Variants in CNTNAP2 observed in about 807,000 individuals in gnomAD.
CNTNAP2 encodes the protein contactin-associated protein-like 2.
Under a neutral mutation model 155.2 loss-of-function variants are expected in CNTNAP2, and 98 were observed. That is an observed-to-expected ratio of 0.63 (90% CI 0.54 to 0.75). The LOEUF is 0.75. CNTNAP2 is among the 30% of genes least tolerant of loss of function. The probability of loss-of-function intolerance (pLI) is 0.00; values close to 1 mark genes in which losing one functional copy is unlikely to be tolerated. For synonymous variants in CNTNAP2, 651 were observed against 631.2 expected, an observed-to-expected ratio of 1.03 and a Z score of -0.47; for missense variants, 1,727 against 1,688.1, an observed-to-expected ratio of 1.02 and a Z score of -0.40.
rs146514774 is a variant in CNTNAP2, at chr7:148,345,328, G to A, written c.3476-38321G>A. Among the ~76,000 whole-genome samples, 606 of 150,928 alleles carry A rather than the reference G, an allele frequency of 4.0e-3. 2 individuals carry two copies. The highest frequency in any genetic ancestry group is 0.013 in the African/African-American group (550 of 41,114). On this transcript the variant is annotated intron_variant, in intron 21 of 23. Coordinates refer to ENST00000361727, the MANE Select transcript of CNTNAP2 (RefSeq NM_014141.6). ...CACAGCATCTGGACGAATACTGAGC[G>A]CTGTCACTAGATTCTATTTTTATTT...
chr7:146,659,407 T>C (rs1336679131), intron 1 of CNTNAP2, among the ~76,000 whole-genome samples: 1 of 152,156 alleles, frequency 6.6e-6, no homozygotes, highest in Non-Finnish European at 1.5e-5. Context: ...GAGATGAAAT[T>C]TAGGTATTTG....
intron 12 of CNTNAP2, among the ~76,000 whole-genome samples, chr7:147,625,517 A>G (rs1169991592): frequency 6.6e-6 from 1 of 152,236 alleles, no homozygotes; most frequent in Non-Finnish European, 1.5e-5. Flanking sequence ...TCATCAAAAT[A>G]GAGTTTATAT....
At chr7:146,354,458 C>T (rs540074079) in intron 1 of CNTNAP2, among the ~76,000 whole-genome samples, 309 of 150,430 alleles carry the variant, frequency 2.1e-3, no homozygotes, top group Non-Finnish European at 3.6e-3. Context: ...TCTGTCGCCC[C>T]GCCTGGAGTG....
chr7:146,157,593 T>A (rs1562970853), intron 1 of CNTNAP2, among the ~76,000 whole-genome samples: 1 of 152,176 alleles, frequency 6.6e-6, no homozygotes, highest in Non-Finnish European at 1.5e-5. Flanking sequence ...TTATATCCCG[T>A]GCATGGCTTG....
chr7:147,887,346 C>G (rs1799619265), intron 13 of CNTNAP2, among the ~76,000 whole-genome samples: 1 of 152,112 alleles, frequency 6.6e-6, no homozygotes, highest in Admixed American at 6.5e-5. Flanking sequence ...TGGCAGGCAC[C>G]TGTTATCCCA....
chr7:147,176,449 G>A (rs1001817888), intron 8 of CNTNAP2, among the ~76,000 whole-genome samples: 1 of 151,580 alleles, frequency 6.6e-6, no homozygotes, highest in Non-Finnish European at 1.5e-5. Flanking sequence ...GCAGATGGAT[G>A]TTCAATGACT....
chr7:147,474,751 CCTGA>C (rs1798285607), intron 10 of CNTNAP2, among the ~76,000 whole-genome samples: 1 of 152,074 alleles, frequency 6.6e-6, no homozygotes, highest in Non-Finnish European at 1.5e-5. Flanking sequence ...AAATGCATAA[CCTGA>C]CCTAAATCTT....
chr7:146,309,333 A>G (rs973655692), intron 1 of CNTNAP2, among the ~76,000 whole-genome samples: 1 of 152,058 alleles, frequency 6.6e-6, no homozygotes, highest in East Asian at 1.9e-4. Context: ...GGTCTCTGTT[A>G]GGGGGTATGA....
At chr7:146,385,072 T>C (rs1795441626) in intron 1 of CNTNAP2, among the ~76,000 whole-genome samples, 1 of 152,298 alleles carries the variant, frequency 6.6e-6, no homozygotes, top group African/African-American at 2.4e-5. Flanking sequence ...CATATACATG[T>C]TAAGCTGAAC....
At chr7:146,155,770 G>T (rs1798116261) in intron 1 of CNTNAP2, among the ~76,000 whole-genome samples, 1 of 151,454 alleles carries the variant, frequency 6.6e-6, no homozygotes, top group Admixed American at 6.6e-5. Context: ...CGGGATCTTG[G>T]CTCACTACAA....
chr7:147,306,880 T>A (rs1188228572), intron 9 of CNTNAP2, among the ~76,000 whole-genome samples: 1 of 152,148 alleles, frequency 6.6e-6, no homozygotes, highest in Admixed American at 6.5e-5. Context: ...ACTTTACTTG[T>A]AGATAGTAAT....
At chr7:148,082,972 C>T (rs73470286) in intron 15 of CNTNAP2, among the ~76,000 whole-genome samples, 2,717 of 152,062 alleles carry the variant, frequency 0.018, 97 homozygotes, top group African/African-American at 0.062. Context: ...CCACTGCACC[C>T]GGCCTGAACT....
At chr7:147,727,439 C>T (rs1035520717) in intron 13 of CNTNAP2, among the ~76,000 whole-genome samples, 15 of 152,140 alleles carry the variant, frequency 9.9e-5, no homozygotes, top group African/African-American at 3.4e-4. Flanking sequence ...AGTTAACTAT[C>T]AGTTGTATAA....
rs1318571100 is a variant in CNTNAP2, at chr7:147,290,677, CA to C, written c.1349-9463del. Among the ~76,000 whole-genome samples, 8 of 110,416 alleles carry C rather than the reference CA, an allele frequency of 7.2e-5. No individual in the cohort carries two copies. The South Asian group carries it at 2.9e-3, about 40-fold the overall frequency. 72.4% of individuals were successfully genotyped at this position (110,416 alleles called of 152,430 possible). ...CAGCCTCAGTGACAGAGTGAGACTC[CA>C]TCTCCAAAAAAAAAAAAAAAAAAAA... On this transcript the variant is annotated intron_variant, in intron 8 of 23. Coordinates refer to ENST00000361727, the MANE Select transcript of CNTNAP2 (RefSeq NM_014141.6).
intron 1 of CNTNAP2, among the ~76,000 whole-genome samples, chr7:146,426,658 A>T (rs1796097600): frequency 6.7e-6 from 1 of 149,926 alleles, no homozygotes; most frequent in African/African-American, 2.4e-5. Flanking sequence ...AGTGAAACTT[A>T]CAAAAAGAAA....
intron 1 of CNTNAP2, among the ~76,000 whole-genome samples, chr7:146,439,889 C>G (rs1054971584): frequency 2.0e-5 from 3 of 151,538 alleles, no homozygotes; most frequent in African/African-American, 7.3e-5. Context: ...TTTGGGAGGC[C>G]TACGCCAGTG....
intron 1 of CNTNAP2, among the ~76,000 whole-genome samples, chr7:146,246,627 C>CAATTGGGCAGT (rs1799661949): frequency 2.6e-5 from 4 of 151,504 alleles, no homozygotes; most frequent in African/African-American, 9.8e-5. Flanking sequence ...GCTTCCGAGG[C>CAATTGGGCAGT]GATCCGACAG....
intron 12 of CNTNAP2, among the ~76,000 whole-genome samples, chr7:147,583,105 C>T (rs10226376): frequency 0.69 from 104,940 of 151,894 alleles, 36,812 homozygotes; most frequent in African/African-American, 0.81. Context: ...AAAGCCTAAG[C>T]GAATGACCCA....
At position 147,126,411 on chromosome 7, in the gene CNTNAP2, G is replaced by A. The variant is rs141650286; in HGVS notation, c.940-2282G>A. Among the ~76,000 whole-genome samples the A allele has an allele frequency of 3.2e-3, 483 of 152,212 alleles. 3 individuals are homozygous for A. Among genetic ancestry groups the A allele is most frequent in the East Asian group, 7.0e-3 (36 of 5,170 alleles). ...AACAATATTTGTTACTATCAGCTTC[G>A]TTAAAGTGTCAGAAAATATTCTGTG... On this transcript the variant is annotated intron_variant, in intron 6 of 23. Coordinates refer to ENST00000361727, the MANE Select transcript of CNTNAP2 (RefSeq NM_014141.6).
Sources: gnomAD v4.1 joint callset for allele counts (sites outside exome capture counted in the v4.1 genomes callset) on GRCh38, gnomAD v4.1.1 for gene constraint, MANE v1.5 for transcripts, NCBI Gene and HGNC (gene_info 2026-07-23, HGNC 2026-07-21) for gene names.